Variants in PHLPP1 observed in about 807,000 individuals in gnomAD.
The protein encoded by PHLPP1 is PH domain and leucine rich repeat protein phosphatase 1.
Under a neutral mutation model 117.2 loss-of-function variants are expected in PHLPP1, and 42 were observed. The observed-to-expected ratio is 0.36, with a 90% CI of 0.28 to 0.46. The LOEUF is 0.46. Ranked by LOEUF, PHLPP1 falls within the 20% of genes least tolerant of loss-of-function variation. PHLPP1 has a pLI of 1.00. For missense variants in PHLPP1, 2,084 were observed against 2,241.9 expected, an observed-to-expected ratio of 0.93 and a Z score of 1.42; for synonymous variants, 1,042 against 970.7, an observed-to-expected ratio of 1.07 and a Z score of -1.37.
At chr18:62,935,682 A>G (rs1055458754) in intron 10 of PHLPP1, among the ~76,000 whole-genome samples, 2 of 152,228 alleles carry the variant, frequency 1.3e-5, no homozygotes, top group African/African-American at 4.8e-5. Context: ...GTGACACGCC[A>G]GTACCAGGAA....
chr18:62,753,508 G>A (rs1261015489), intron 1 of PHLPP1, among the ~76,000 whole-genome samples: 1 of 152,184 alleles, frequency 6.6e-6, no homozygotes, highest in African/African-American at 2.4e-5. Flanking sequence ...CTGGCATCTG[G>A]TCCTGTTCCC....
intron 13 of PHLPP1, among the ~76,000 whole-genome samples, chr18:62,960,231 G>A (rs984366815): frequency 6.6e-6 from 1 of 152,114 alleles, no homozygotes; most frequent in African/African-American, 2.4e-5. Flanking sequence ...AAATCCAGCT[G>A]AAATAGTTGA....
intron 3 of PHLPP1, among the ~76,000 whole-genome samples, chr18:62,847,612 A>G (rs1215313783): frequency 2.0e-5 from 3 of 152,226 alleles, no homozygotes; most frequent in Non-Finnish European, 4.4e-5. Flanking sequence ...AAGGTAGTTG[A>G]CAAGAAGCGA....
rs61701836 is a variant in PHLPP1 at position 62,879,404 on chromosome 18, ATGTGTG to A, written c.2067-15583_2067-15578del. Reference sequence around the variant, plus strand: ...TAAATTACCCAATGGTATTCTGGATATGTGTGTGTGTGTGTGTGTGTGTGTGTGTCA... The same window carrying A: ...TAAATTACCCAATGGTATTCTGGATATGTGTGTGTGTGTGTGTGTGTGTCA... On this transcript the variant is annotated intron_variant, in intron 4 of 16. Coordinates refer to ENST00000262719, the MANE Select transcript of PHLPP1 (RefSeq NM_194449.4). Among the ~76,000 whole-genome samples, 75 of 145,930 alleles carry A rather than the reference ATGTGTG, an allele frequency of 5.1e-4. No individual in the cohort carries two copies. In the East Asian group the frequency reaches 0.011, roughly 22 times the overall value.
intron 4 of PHLPP1, among the ~76,000 whole-genome samples, chr18:62,865,912 A>G (rs1915759374): frequency 6.6e-6 from 1 of 152,224 alleles, no homozygotes; most frequent in Non-Finnish European, 1.5e-5. Flanking sequence ...GGAGAGGATT[A>G]GGAAAAATAA....
At chr18:62,814,931 A>G (rs538652285) in intron 1 of PHLPP1, among the ~76,000 whole-genome samples, 2 of 152,342 alleles carry the variant, frequency 1.3e-5, no homozygotes, top group South Asian at 4.1e-4. Context: ...CCCAAAACTT[A>G]GTAGTTTAAA....
At chr18:62,898,038 A>C (rs200753388) in intron 6 of PHLPP1, among the ~76,000 whole-genome samples, 5 of 71,172 alleles carry the variant, frequency 7.0e-5, no homozygotes, top group Non-Finnish European at 1.7e-4. Context: ...TCCTCTTTGT[A>C]CAAAGTGTGG....
At chr18:62,929,959 A>G (rs1419549458) in intron 10 of PHLPP1, among the ~76,000 whole-genome samples, 1 of 152,180 alleles carries the variant, frequency 6.6e-6, no homozygotes, top group East Asian at 1.9e-4. Flanking sequence ...TAAAAACAAA[A>G]TAAAAAATAA....
intron 8 of PHLPP1, among the ~76,000 whole-genome samples, chr18:62,912,139 C>A (rs1354442151): frequency 9.1e-6 from 1 of 110,170 alleles, no homozygotes; most frequent in Non-Finnish European, 1.8e-5. Context: ...ATATCACACT[C>A]TGGGGACTGT....
chr18:62,872,943 A>AGCCACTGCATTCCAGCCTGG (rs1568145491), intron 4 of PHLPP1, among the ~76,000 whole-genome samples: 2 of 142,974 alleles, frequency 1.4e-5, no homozygotes, highest in Non-Finnish European at 1.5e-5. Context: ...GCCGAGACTG[A>AGCCACTGCATTCCAGCCTGG]GCCACTGCAT....
chr18:62,733,886 A>T (rs1911294989), intron 1 of PHLPP1, among the ~76,000 whole-genome samples: 1 of 152,200 alleles, frequency 6.6e-6, no homozygotes, highest in African/African-American at 2.4e-5. Context: ...GTTTAGGATT[A>T]ATAGTTCCAG....
intron 14 of PHLPP1, among the ~76,000 whole-genome samples, chr18:62,965,044 A>G (rs1039936044): frequency 6.6e-6 from 1 of 152,218 alleles, no homozygotes; most frequent in Non-Finnish European, 1.5e-5. Context: ...GAAATAAAAA[A>G]TGAACAGAGT....
At chr18:62,891,718 C>T (rs1198577445) in intron 4 of PHLPP1, among the ~76,000 whole-genome samples, 1 of 132,816 alleles carries the variant, frequency 7.5e-6, no homozygotes, top group Non-Finnish European at 1.6e-5. Flanking sequence ...GGCAAAACTT[C>T]GTCTCTACAA....
intron 12 of PHLPP1, among the ~76,000 whole-genome samples, chr18:62,954,873 AT>A (rs1457975672): frequency 2.0e-5 from 3 of 152,218 alleles, no homozygotes; most frequent in African/African-American, 4.8e-5. Flanking sequence ...CACTGAGAAA[AT>A]GATTGTCATG....
intron 3 of PHLPP1, among the ~76,000 whole-genome samples, chr18:62,851,739 G>A (rs952591273): frequency 1.2e-4 from 18 of 151,914 alleles, no homozygotes; most frequent in African/African-American, 3.9e-4. Flanking sequence ...GATTACAGGC[G>A]TGAGCCACTG....
Position 62,820,760 on chromosome 18 carries a change from A to G in PHLPP1, c.1577-9275A>G, listed in dbSNP as rs139594888. ...ATTACCCAGTCTCAGGCAGTTTTTTATAGCAGTATGAAAACTAATACAAAC... is the reference window on the plus strand; with the variant it reads ...ATTACCCAGTCTCAGGCAGTTTTTTGTAGCAGTATGAAAACTAATACAAAC... On this transcript the variant is annotated intron_variant, in intron 1 of 16. Transcript: ENST00000262719. Among the ~76,000 whole-genome samples the G allele has an allele frequency of 7.2e-5, 11 of 152,348 alleles. No homozygotes were observed. The East Asian group carries it at 2.1e-3, about 29-fold the overall frequency.
At chr18:62,828,582 C>G (rs1054224828) in intron 1 of PHLPP1, among the ~76,000 whole-genome samples, 1 of 152,144 alleles carries the variant, frequency 6.6e-6, no homozygotes, top group Non-Finnish European at 1.5e-5. Flanking sequence ...AAGTGAAATT[C>G]GAACCTGTGG....
intron 4 of PHLPP1, among the ~76,000 whole-genome samples, chr18:62,891,244 T>A (rs1012893651): frequency 9.9e-5 from 15 of 152,248 alleles, no homozygotes; most frequent in Non-Finnish European, 4.4e-5. Flanking sequence ...TTAAGCAACA[T>A]TTATTTATGT....
intron 1 of PHLPP1, among the ~76,000 whole-genome samples, chr18:62,816,254 A>G (rs1209622701): frequency 1.3e-5 from 2 of 152,180 alleles, no homozygotes; most frequent in Non-Finnish European, 1.5e-5. Context: ...ATGTACACTC[A>G]TATCAGCAAT....
Sources: allele counts gnomAD v4.1 joint callset (sites outside exome capture counted in the v4.1 genomes callset), GRCh38; gene constraint gnomAD v4.1.1; transcripts MANE v1.5; gene names NCBI Gene and HGNC (gene_info 2026-07-23, HGNC 2026-07-21).